The following GPC6 variants were observed in gnomAD, a reference collection of about 807,000 sequenced individuals.
The protein encoded by GPC6 is glypican 6.
A neutral mutation model predicts 55.2 loss-of-function variants in GPC6; 14 were observed. The ratio of observed to expected loss-of-function variants is 0.25; its 90% CI spans 0.17 to 0.40. The LOEUF (loss-of-function observed/expected upper bound fraction) is 0.40. GPC6 is among the 10% of genes least tolerant of loss of function. GPC6 has a pLI of 1.00. For missense variants in GPC6, 641 were observed against 708.5 expected (o/e 0.90, Z 1.08); for synonymous variants, 278 against 259.6 (o/e 1.07, Z -0.68).
chr13:93,562,947 T>G (rs1028592506), intron 2 of GPC6, among the ~76,000 whole-genome samples: 11 of 152,204 alleles, frequency 7.2e-5, no homozygotes, highest in Non-Finnish European at 1.5e-4. Context: ...AGTCTATACC[T>G]GTTACCAAAC....
In GPC6 at chr13:93,227,550, G is replaced by C; in HGVS notation, c.94G>C (p.Glu32Gln). The stretch of plus-strand genomic sequence containing the variant: ...GGATGTGAAGGCTCGGAGCTGCGGA[G>C]AGGTCCGCCAGGCGTACGGTGCCAA... The part of the protein sequence containing the change: ...GADVKARSCG[E>Q]VRQAYGAKGF... The change falls in exon 1 of 9, where the codon GAG (glutamate) becomes CAG (glutamine). Residue 32 changes from glutamate (E) to glutamine (Q), a missense_variant. Coordinates refer to ENST00000377047, the MANE Select transcript of GPC6 (RefSeq NM_005708.5). This position sits in a 1 kb window ranked among gnomAD's most constrained non-coding sequence, Gnocchi z 4.3. 6.2e-7 allele frequency: 1 copy of C among 1,613,344 alleles called. No individual in the cohort carries two copies. Among genetic ancestry groups the C allele is most frequent in the Non-Finnish European group, 8.5e-7 (1 of 1,179,638 alleles).
chr13:93,630,328 C>T (rs1346925207), intron 2 of GPC6, among the ~76,000 whole-genome samples: 1 of 152,180 alleles, frequency 6.6e-6, no homozygotes, highest in Non-Finnish European at 1.5e-5. Flanking sequence ...CTCGCTAGTT[C>T]TAGCCTTGTC....
intron 3 of GPC6, among the ~76,000 whole-genome samples, chr13:94,011,352 T>C (rs977812851): frequency 2.6e-5 from 4 of 152,148 alleles, no homozygotes; most frequent in African/African-American, 7.2e-5. Context: ...CAAGCAACCA[T>C]GCATTATTTG....
chr13:94,154,553 A>G (rs1195326754), intron 4 of GPC6: 3 of 152,150 alleles, frequency 2.0e-5, no homozygotes, highest in African/African-American at 4.8e-5. Flanking sequence ...TGAATCTGCA[A>G]TGGCATGCAT....
chr13:93,237,959 G>A (rs1876294716), intron 1 of GPC6, among the ~76,000 whole-genome samples: 1 of 152,078 alleles, frequency 6.6e-6, no homozygotes, highest in Non-Finnish European at 1.5e-5. Context: ...TGCTATTTGG[G>A]CTACTATAGC....
intron 2 of GPC6, among the ~76,000 whole-genome samples, chr13:93,767,912 G>T (rs781477822): frequency 6.6e-6 from 1 of 152,004 alleles, no homozygotes; most frequent in Non-Finnish European, 1.5e-5. Context: ...CAAAAATTTA[G>T]TCGTTTTTCT....
intron 2 of GPC6, among the ~76,000 whole-genome samples, chr13:93,653,488 CT>C (rs577701617): frequency 9.2e-5 from 14 of 152,000 alleles, no homozygotes; most frequent in African/African-American, 3.4e-4. Context: ...CTTTCACCTT[CT>C]TCATAACATA....
chr13:93,320,030 T>C (rs2139121209), intron 1 of GPC6, among the ~76,000 whole-genome samples: 1 of 152,204 alleles, frequency 6.6e-6, no homozygotes, highest in East Asian at 1.9e-4. Flanking sequence ...ATATCTTTGA[T>C]CATATGAAAA....
At chr13:93,352,607 C>T (rs556977139) in intron 1 of GPC6, among the ~76,000 whole-genome samples, 2 of 152,146 alleles carry the variant, frequency 1.3e-5, no homozygotes, top group East Asian at 3.9e-4. Flanking sequence ...GCCTGCTTGA[C>T]ATTTTTGAAA....
intron 1 of GPC6, among the ~76,000 whole-genome samples, chr13:93,331,651 G>A (rs1279318819): frequency 6.6e-6 from 1 of 150,722 alleles, no homozygotes; most frequent in Non-Finnish European, 1.5e-5. Flanking sequence ...TCTGTCATTT[G>A]TTGTTAAATT....
intron 4 of GPC6, among the ~76,000 whole-genome samples, chr13:94,096,999 TACCTATTATGATAAATAGGTTAAC>T (rs1366500977): frequency 2.6e-5 from 3 of 114,404 alleles, no homozygotes; most frequent in South Asian, 2.6e-4. Flanking sequence ...AATATGTTAA[TACCTATTATGATAAATAGGTTAAC>T]ACCTATTATG....
intron 2 of GPC6, among the ~76,000 whole-genome samples, chr13:93,774,847 G>C (rs150837013): frequency 5.4e-4 from 82 of 152,234 alleles, no homozygotes; most frequent in Middle Eastern, 3.4e-3. Context: ...TCTAATTTCA[G>C]ATACAGTCAA....
chr13:94,291,583 A>C (rs1874981734), intron 5 of GPC6, among the ~76,000 whole-genome samples: 1 of 152,228 alleles, frequency 6.6e-6, no homozygotes, highest in African/African-American at 2.4e-5. Flanking sequence ...TTTCTTTTAA[A>C]TTTAGAAATC....
chr13:93,895,718 C>T (rs1324865609), intron 3 of GPC6, among the ~76,000 whole-genome samples: 1 of 151,926 alleles, frequency 6.6e-6, no homozygotes, highest in African/African-American at 2.4e-5. Context: ...GGAAAAGTAA[C>T]CTGCTATTAC....
intron 1 of GPC6, among the ~76,000 whole-genome samples, chr13:93,417,651 A>C (rs1423647705): frequency 2.0e-5 from 3 of 152,110 alleles, no homozygotes; most frequent in African/African-American, 7.2e-5. Context: ...TTTAAACAAA[A>C]TCAAAGAGAG....
Position 94,382,470 on chromosome 13 carries a change from C to T in GPC6, c.1209C>T (p.Pro403=), listed in dbSNP as rs1880202501. 1 of 1,613,946 alleles carries T rather than the reference C, an allele frequency of 6.2e-7. No individual in the cohort carries two copies. Among genetic ancestry groups the T allele is most frequent in the African/African-American group, 1.3e-5 (1 of 74,918 alleles). The stretch of plus-strand genomic sequence containing the variant: ...CTAAAAAGGTCTGGTCAGCATTACC[C>T]TACACTATCTGCAAGGACGAGAGCG... The part of the protein sequence containing the change: ...KLSKKVWSAL[P]YTICKDESVT... The change falls in exon 7 of 9, where the codon CCC becomes CCT. Residue 403 remains proline, a synonymous_variant. Coordinates refer to ENST00000377047, the MANE Select transcript of GPC6 (RefSeq NM_005708.5).
At chr13:94,396,985 T>G (rs764310117) in intron 7 of GPC6, among the ~76,000 whole-genome samples, 8 of 152,188 alleles carry the variant, frequency 5.3e-5, no homozygotes, top group Non-Finnish European at 8.8e-5. Context: ...CCCCATCTCC[T>G]AGATTTGCTG....
intron 4 of GPC6, among the ~76,000 whole-genome samples, chr13:94,202,695 T>C (rs1359071159): frequency 6.6e-6 from 1 of 152,186 alleles, no homozygotes; most frequent in African/African-American, 2.4e-5. Flanking sequence ...AAGGTAATGC[T>C]AGAACCTTGA....
intron 6 of GPC6, among the ~76,000 whole-genome samples, chr13:94,357,008 G>A (rs9524457): frequency 0.22 from 33,606 of 152,108 alleles, 4,183 homozygotes; most frequent in Middle Eastern, 0.35. Flanking sequence ...GACACCACTC[G>A]TCTGTCCCCT....
Sources: gnomAD v4.1 joint callset for allele counts (sites outside exome capture counted in the v4.1 genomes callset) on GRCh38, gnomAD v4.1.1 for gene constraint, Gnocchi (gnomAD v3.1) non-coding constraint, MANE v1.5 for transcripts, NCBI Gene and HGNC (gene_info 2026-07-23, HGNC 2026-07-21) for gene names.